COL20A1: variants seen among roughly 807,000 people sequenced by gnomAD.
The protein encoded by COL20A1 is collagen type XX alpha 1 chain.
A neutral mutation model predicts 152.9 loss-of-function variants in COL20A1; 164 were observed. The ratio of observed to expected loss-of-function variants is 1.07; its 90% CI spans 0.94 to 1.22. COL20A1 has a LOEUF of 1.22. COL20A1 is among the 50% of genes most tolerant of loss of function. The pLI is 0.00. For missense variants in COL20A1, 1,873 were observed against 1,744.8 expected (o/e 1.07, Z -1.31); for synonymous variants, 864 against 756.0 (o/e 1.14, Z -2.34).
In COL20A1 at chr20:63,305,450, A is replaced by G. The variant is rs777497678; in HGVS notation, c.227A>G (p.Lys76Arg). Residue 76 changes from lysine to arginine, a missense_variant, in exon 4 of 36, where the codon AAG becomes AGG. Lys to Arg is a conservative substitution (Grantham distance 26). Transcript: ENST00000358894. This position sits in a 1 kb window ranked among gnomAD's most constrained non-coding sequence, Gnocchi z 4.9. ...GAACAGGAGGTGATACTGACCACCA[A>G]GACCCCTAAGGCCACAGTGGGGGGC... ...DSEQEVILTT[K>R]TPKATVGGLS... 1.3e-6 allele frequency: 2 copies of G among 1,596,186 alleles called. No homozygotes were observed. The highest frequency in any genetic ancestry group is 2.7e-5 in the African/African-American group (2 of 73,848).
intron 3 of COL20A1, among the ~76,000 whole-genome samples, chr20:63,301,341 C>G (rs192348414): frequency 6.6e-6 from 1 of 152,080 alleles, no homozygotes; most frequent in South Asian, 2.1e-4. Context: ...GCTTTATGGT[C>G]CAGCATATGA....
At chr20:63,299,547 C>G (rs1163442870) in intron 3 of COL20A1, among the ~76,000 whole-genome samples, 3 of 152,120 alleles carry the variant, frequency 2.0e-5, no homozygotes, top group Non-Finnish European at 4.4e-5. Context: ...GCCGCTATCA[C>G]AATTGATGTA....
At chr20:63,325,634 C>A (rs778730125) in intron 28 of COL20A1, 34 bp from the exon 29 acceptor site, 2 of 1,593,420 alleles carry the variant, frequency 1.3e-6, no homozygotes, top group African/African-American at 1.3e-5. Flanking sequence ...GTGACCCTGG[C>A]CCCTGCCTGG....
chr20:63,313,777 C>G lies in COL20A1; in HGVS notation c.2244C>G (p.Ala748=), dbSNP rs1253828802. The change falls in exon 18 of 36, where the codon GCC becomes GCG. Residue 748 remains alanine, a synonymous_variant. Coordinates refer to ENST00000358894, the MANE Select transcript of COL20A1 (RefSeq NM_020882.4). This position sits in a 1 kb window ranked among gnomAD's most constrained non-coding sequence, Gnocchi z 5.9. ...GCAGGAGCCCACCCTCCAACCTGGC[C>G]CTGGCCTCGGAGACCCCCGACAGCC... The part of the protein sequence containing the change: ...TVSRSPPSNL[A]LASETPDSLQ... 1 of 1,608,322 alleles carries G rather than the reference C, an allele frequency of 6.2e-7. No individual in the cohort carries two copies. The highest frequency in any genetic ancestry group is 8.5e-7 in the Non-Finnish European group (1 of 1,177,904).
At chr20:63,309,285 T>A (rs1029685718) in intron 8 of COL20A1, 48 bp from the exon 9 acceptor site, 1 of 1,365,104 alleles carries the variant, frequency 7.3e-7, no homozygotes, top group Admixed American at 3.2e-5. Context: ...GGTGGCCCCG[T>A]CGGGTGACCC....
rs2068246633 is a variant in COL20A1 at position 63,326,250 on chromosome 20, A to C, written c.3456+101A>C. The C allele has an allele frequency of 3.1e-6, 3 of 955,286 alleles. No homozygotes were observed. The Admixed American group carries it at 5.7e-5, about 18-fold the overall frequency. The allele number at this position is 955,286 out of a possible 1,614,324, so 59.2% of individuals were successfully genotyped here. A position where few individuals can be genotyped will look rare whatever the true frequency, so the allele number is the denominator to read the frequency against. On this transcript the variant is annotated intron_variant, in intron 30 of 35. Coordinates refer to ENST00000358894, the MANE Select transcript of COL20A1 (RefSeq NM_020882.4). Reference sequence around the variant, plus strand: ...GAACACCAGCTGCCACCCCTAGGTTACCCCAGGAAGTGCCTGGGAGGGCCT... The same window carrying C: ...GAACACCAGCTGCCACCCCTAGGTTCCCCCAGGAAGTGCCTGGGAGGGCCT...
Position 63,325,571 on chromosome 20 carries a change from T to TG in COL20A1, c.3348+83dup, listed in dbSNP as rs888659387. On this transcript the variant is annotated intron_variant, in intron 28 of 35. Transcript: ENST00000358894. ...GACAGGGATGGAGATGGGGAGTGCC[T>TG]GGGGGGCACAGGGGTTGGGGGTGAG... 1.9e-5 allele frequency: 28 copies of TG among 1,470,364 alleles called. No homozygotes were observed. The African/African-American group carries it at 3.8e-4, about 20-fold the overall frequency. 91.1% of individuals were successfully genotyped at this position (1,470,364 alleles called of 1,614,324 possible).
intron 3 of COL20A1, among the ~76,000 whole-genome samples, chr20:63,298,491 A>T (rs1196038178): frequency 6.6e-6 from 1 of 150,800 alleles, no homozygotes; most frequent in Admixed American, 6.6e-5. Flanking sequence ...AGGTTTCACC[A>T]TGTTGCCCAG....
At chr20:63,329,454 C>A in intron 34 of COL20A1, 131 bp from the exon 35 acceptor site, 1 of 691,230 alleles carries the variant, frequency 1.4e-6, no homozygotes, top group Admixed American at 2.3e-5. Context: ...CCCTAGATCT[C>A]AGACTCCCAT....
At position 63,319,235 on chromosome 20, in the gene COL20A1, G is replaced by A. The variant is rs376132929; in HGVS notation, c.2806+35G>A. The A allele has an allele frequency of 6.5e-4, 1,040 of 1,601,688 alleles. 1 individual carries two copies. Among genetic ancestry groups the A allele is most frequent in the Non-Finnish European group, 8.6e-4 (1,007 of 1,173,960 alleles). ...GCCCCGCGTCGCCCCCAGCAGTCAG[G>A]AGGAGTAGGGGCAGGGAGGCCCCAG... On this transcript the variant is annotated intron_variant, in intron 22 of 35. Transcript: ENST00000358894. This position sits in a 1 kb window ranked among gnomAD's most constrained non-coding sequence, Gnocchi z 4.4.
In COL20A1 at chr20:63,305,798, C is replaced by G; in HGVS notation, c.338-83C>G. The G allele has an allele frequency of 1.4e-6, 2 of 1,414,980 alleles. No individual in the cohort carries two copies. Among genetic ancestry groups the G allele is most frequent in the Non-Finnish European group, 2.0e-6 (2 of 1,012,876 alleles). The allele number at this position is 1,414,980 out of a possible 1,614,324, so 87.7% of individuals were successfully genotyped here. On this transcript the variant is annotated intron_variant, in intron 4 of 35. Coordinates refer to ENST00000358894, the MANE Select transcript of COL20A1 (RefSeq NM_020882.4). The surrounding 1 kb of genome is among the most constrained non-coding windows in gnomAD (Gnocchi z 4.9). ...TGGGCCCTCAGCACCCACAGATGCGCCCTTGAAGGGGTGTATGTGCAGCTG... is the reference window on the plus strand; with the variant it reads ...TGGGCCCTCAGCACCCACAGATGCGGCCTTGAAGGGGTGTATGTGCAGCTG...
chr20:63,329,742 G>T (rs1032681553), intron 35 of COL20A1, 81 bp downstream of exon 35: 2 of 985,604 alleles, frequency 2.0e-6, no homozygotes, highest in South Asian at 3.3e-5. Flanking sequence ...CAACGGGTGG[G>T]GCCTCATGCT....
chr20:63,311,304 T>C lies in COL20A1; in HGVS notation c.1394-90T>C, dbSNP rs111950139. 0.065 allele frequency: 87,751 copies of C among 1,345,774 alleles called. 3,315 individuals are homozygous for C. Among genetic ancestry groups the C allele is most frequent in the African/African-American group, 0.13 (9,016 of 68,506 alleles). 83.4% of individuals were successfully genotyped at this position (1,345,774 alleles called of 1,614,324 possible). ...CTGTGCACCTGCCAGGCGGTGGCCG[T>C]GCCCACCCACTCTGGTGTGAGGGTG... is the stretch of plus-strand genomic sequence containing the variant. On this transcript the variant is annotated intron_variant, in intron 11 of 35. Coordinates refer to ENST00000358894, the MANE Select transcript of COL20A1 (RefSeq NM_020882.4). The surrounding 1 kb of genome is among the most constrained non-coding windows in gnomAD (Gnocchi z 4.4).
At chr20:63,315,282 C>A in intron 19 of COL20A1, 122 bp from the exon 20 acceptor site, 1 of 979,264 alleles carries the variant, frequency 1.0e-6, no homozygotes, top group Non-Finnish European at 1.6e-6. Context: ...TAGCACAGTC[C>A]CACCTATACA....
intron 8 of COL20A1, among the ~76,000 whole-genome samples, chr20:63,309,036 G>A (rs1000019703): frequency 1.3e-5 from 2 of 152,160 alleles, no homozygotes. Flanking sequence ...CCCGCCTGCT[G>A]TGCCCTGGCA....
At chr20:63,296,357 A>T (rs2067794000) in intron 2 of COL20A1, among the ~76,000 whole-genome samples, 1 of 152,234 alleles carries the variant, frequency 6.6e-6, no homozygotes, top group South Asian at 2.1e-4. Flanking sequence ...ATCTAGTTCT[A>T]TCTAGTTCAG....
rs1457880182 is a variant in COL20A1, at chr20:63,331,978, A to T, written c.*1262A>T. The T allele has an allele frequency of 6.6e-6, 1 of 152,354 alleles. No individual in the cohort carries two copies. Among genetic ancestry groups the T allele is most frequent in the African/African-American group, 2.4e-5 (1 of 41,444 alleles). The allele number at this position is 152,354 out of a possible 1,614,324, so 9.4% of individuals were successfully genotyped here. ...AGACCTGGAGACCAAATAGAGAGTC[A>T]TAGGCAGGGTCAGCAGGATGGGAGA... On this transcript the variant is annotated 3_prime_UTR_variant, in exon 36 of 36. Coordinates refer to ENST00000358894, the MANE Select transcript of COL20A1 (RefSeq NM_020882.4).
chr20:63,295,028 T>G (rs900719282), intron 1 of COL20A1, 70 bp from the exon 2 acceptor site: 27 of 987,842 alleles, frequency 2.7e-5, no homozygotes, highest in Non-Finnish European at 3.9e-5. Context: ...TTGGAGAAGC[T>G]CTGGCGTTGT....
intron 27 of COL20A1, among the ~76,000 whole-genome samples, chr20:63,323,208 T>C (rs189776185): frequency 9.8e-5 from 15 of 152,388 alleles, no homozygotes; most frequent in Admixed American, 4.6e-4. Flanking sequence ...TCTCCACCGT[T>C]CTTTTTTCTT....
Sources: gnomAD v4.1 joint callset for allele counts (sites outside exome capture counted in the v4.1 genomes callset) on GRCh38, gnomAD v4.1.1 for gene constraint, Gnocchi (gnomAD v3.1) non-coding constraint, MANE v1.5 for transcripts, NCBI Gene and HGNC (gene_info 2026-07-23, HGNC 2026-07-21) for gene names.